NRXN1: variants seen among roughly 807,000 people sequenced by gnomAD.
The protein encoded by NRXN1 is neurexin 1, also known as neurexin-1.
NRXN1 carries 39 observed loss-of-function variants against 150.9 expected under a neutral mutation model. The observed-to-expected ratio is 0.26, with a 90% confidence interval of 0.20 to 0.34. The LOEUF is 0.34. Among genes scored for constraint, NRXN1 ranks in the 10% least tolerant of loss-of-function variants. The probability of loss-of-function intolerance (pLI) is 1.00; values close to 1 mark genes in which losing one functional copy is unlikely to be tolerated. For missense variants in NRXN1, 1,815 were observed against 1,949.9 expected (o/e 0.93, Z 1.30); for synonymous variants, 924 against 757.0 (o/e 1.22, Z -3.62).
intron 21 of NRXN1, among the ~76,000 whole-genome samples, chr2:49,992,129 G>T (rs1307290952): frequency 6.6e-6 from 1 of 152,092 alleles, no homozygotes; most frequent in Admixed American, 6.5e-5. Context: ...ACTCTTAGAA[G>T]ACGACACAGG....
chr2:50,272,141 G>A (rs1444226245), intron 17 of NRXN1, among the ~76,000 whole-genome samples: 2 of 152,158 alleles, frequency 1.3e-5, no homozygotes, highest in Non-Finnish European at 2.9e-5. Flanking sequence ...CAGGCTGGCT[G>A]TTTTGCATGA....
chr2:50,003,964 G>C (rs1399067903), intron 21 of NRXN1, among the ~76,000 whole-genome samples: 1 of 152,098 alleles, frequency 6.6e-6, no homozygotes, highest in African/African-American at 2.4e-5. Flanking sequence ...TCTAGTTGGA[G>C]AGATACAACA....
chr2:50,154,596 C>G (rs1176134584), intron 18 of NRXN1, among the ~76,000 whole-genome samples: 1 of 151,498 alleles, frequency 6.6e-6, no homozygotes, highest in African/African-American at 2.4e-5. Context: ...TAATTAGCCA[C>G]AGAATATTAT....
intron 5 of NRXN1, among the ~76,000 whole-genome samples, chr2:50,891,992 C>G (rs1430703937): frequency 6.6e-6 from 1 of 151,932 alleles, no homozygotes; most frequent in Non-Finnish European, 1.5e-5. Flanking sequence ...TTAAGGTATC[C>G]AATATTATCA....
intron 8 of NRXN1, among the ~76,000 whole-genome samples, chr2:50,597,221 G>T (rs1418631447): frequency 6.6e-6 from 1 of 152,110 alleles, no homozygotes; most frequent in East Asian, 1.9e-4. Context: ...TTAGGCTTTA[G>T]TTGGGTCTCT....
At chr2:50,887,656 C>A (rs1459146503) in intron 5 of NRXN1, among the ~76,000 whole-genome samples, 1 of 151,308 alleles carries the variant, frequency 6.6e-6, no homozygotes, top group Non-Finnish European at 1.5e-5. Context: ...ATATCACATC[C>A]TTGAGCTTGC....
At chr2:50,870,971 TG>T (rs1408160039) in intron 5 of NRXN1, among the ~76,000 whole-genome samples, 4 of 151,934 alleles carry the variant, frequency 2.6e-5, no homozygotes, top group African/African-American at 9.7e-5. Context: ...TGAGGTGCTG[TG>T]GGATTTTAAA....
chr2:50,815,737 T>C (rs1668837207), intron 5 of NRXN1, among the ~76,000 whole-genome samples: 2 of 152,188 alleles, frequency 1.3e-5, no homozygotes, highest in Non-Finnish European at 2.9e-5. Flanking sequence ...CATATCCTCA[T>C]AAACTGGCCT....
At chr2:50,607,150 G>C (rs571455516) in intron 8 of NRXN1, among the ~76,000 whole-genome samples, 16 of 152,254 alleles carry the variant, frequency 1.1e-4, no homozygotes, top group Non-Finnish European at 2.2e-4. Flanking sequence ...ATGTCCTAAA[G>C]AAAATGTGAG....
At chr2:50,510,512 A>C (rs1256376729) in intron 12 of NRXN1, among the ~76,000 whole-genome samples, 1 of 142,748 alleles carries the variant, frequency 7.0e-6, no homozygotes, top group Non-Finnish European at 1.5e-5. Context: ...AAAAAAAAAA[A>C]ACCACAAAAG....
chr2:50,891,070 A>G (rs1680985704), intron 5 of NRXN1, among the ~76,000 whole-genome samples: 1 of 151,984 alleles, frequency 6.6e-6, no homozygotes, highest in African/African-American at 2.4e-5. Context: ...TGGCCAAAGG[A>G]TACTCCACAG....
At chr2:50,101,697 T>C (rs530829268) in intron 18 of NRXN1, among the ~76,000 whole-genome samples, 4 of 152,172 alleles carry the variant, frequency 2.6e-5, no homozygotes, top group South Asian at 2.1e-4. Context: ...AGTGCTTCCA[T>C]TGATATAAGC....
At position 50,870,351 on chromosome 2, in the gene NRXN1, T is replaced by G. The variant is rs559933572; in HGVS notation, c.832+51518A>C. The stretch of plus-strand genomic sequence containing the variant: ...AATCATTGAGTCTTCTTTTAAGAGG[T>G]GGGTGCTCGTTATGTTGTCCAGGCT... On this transcript the variant is annotated intron_variant, in intron 5 of 22. Coordinates refer to ENST00000401669, the MANE Select transcript of NRXN1 (RefSeq NM_001330078.2). Among the ~76,000 whole-genome samples, 14 of 151,934 alleles carry G rather than the reference T, an allele frequency of 9.2e-5. No individual in the cohort carries two copies. In the South Asian group the frequency reaches 2.9e-3, roughly 32 times the overall value.
chr2:50,172,120 G>A (rs1235735434), intron 18 of NRXN1, among the ~76,000 whole-genome samples: 1 of 151,982 alleles, frequency 6.6e-6, no homozygotes, highest in Non-Finnish European at 1.5e-5. Flanking sequence ...GAAGATAATG[G>A]GGTTATTATA....
At chr2:49,963,153 A>G (rs1032913097) in intron 21 of NRXN1, among the ~76,000 whole-genome samples, 2 of 152,148 alleles carry the variant, frequency 1.3e-5, no homozygotes, top group Non-Finnish European at 2.9e-5. Context: ...ATCCTGCAGA[A>G]TCCTTATTTA....
At position 50,091,402 on chromosome 2, in the gene NRXN1, A is replaced by G. The variant is rs1243594919; in HGVS notation, c.3639T>C (p.His1213=). The change falls in exon 19 of 23, where the codon CAT becomes CAC. Residue 1213 remains histidine (H), a synonymous_variant. Coordinates refer to ENST00000401669, the MANE Select transcript of NRXN1 (RefSeq NM_001330078.2). ...SNAIINDGKY[H]VVRFTRSGGN... ...CACCACTCCTCGTGAAACGAACTACATGGTATTTCCCATCATTAATGATTG... is the reference window on the plus strand; with the variant it reads ...CACCACTCCTCGTGAAACGAACTACGTGGTATTTCCCATCATTAATGATTG... 8.7e-6 allele frequency: 14 copies of G among 1,614,170 alleles called. No individual in the cohort carries two copies. The highest frequency in any genetic ancestry group is 9.3e-6 in the Non-Finnish European group (11 of 1,180,006).
In NRXN1 at chr2:50,524,642, A is replaced by G. The variant is rs373729537; in HGVS notation, c.2374+3983T>C. Among the ~76,000 whole-genome samples, 7 of 152,084 alleles carry G rather than the reference A, an allele frequency of 4.6e-5. No homozygotes were observed. The East Asian group carries it at 7.7e-4, about 17-fold the overall frequency. On this transcript the variant is annotated intron_variant, in intron 12 of 22. Transcript: ENST00000401669. Reference sequence around the variant, plus strand: ...GCATAAGAAAACCAAGAAACACAAAAGGCTCCCTGAATCCACTGAATCCAC... The same window carrying G: ...GCATAAGAAAACCAAGAAACACAAAGGGCTCCCTGAATCCACTGAATCCAC...
rs577544267 is a variant in NRXN1 at position 50,029,027 on chromosome 2, C to T, written c.4128+24244G>A. On this transcript the variant is annotated intron_variant, in intron 21 of 22. Transcript: ENST00000401669. Reference sequence around the variant, plus strand: ...TTTCCCCAAATTCATATGTTGAAACCTAATCCTCAATCTGATGTTATTAGG... The same window carrying T: ...TTTCCCCAAATTCATATGTTGAAACTTAATCCTCAATCTGATGTTATTAGG... Among the ~76,000 whole-genome samples, 10 of 152,300 alleles carry T rather than the reference C, an allele frequency of 6.6e-5. 1 individual carries two copies. The East Asian group carries it at 1.9e-3, about 29-fold the overall frequency.
intron 8 of NRXN1, among the ~76,000 whole-genome samples, chr2:50,556,539 T>A (rs1668290002): frequency 6.6e-6 from 1 of 151,788 alleles, no homozygotes; most frequent in Admixed American, 6.6e-5. Context: ...ATTCAAAATG[T>A]TGAATTTTAC....
Sources: allele counts gnomAD v4.1 joint callset (sites outside exome capture counted in the v4.1 genomes callset), GRCh38; gene constraint gnomAD v4.1.1; transcripts MANE v1.5; gene names NCBI Gene and HGNC (gene_info 2026-07-23, HGNC 2026-07-21).